Variants in LRRC4C observed in about 807,000 individuals in gnomAD.
The protein encoded by LRRC4C is leucine-rich repeat-containing protein 4C.
In LRRC4C, 5 loss-of-function variants were observed where a neutral mutation model predicts 33.6. The ratio of observed to expected loss-of-function variants is 0.15; its 90% confidence interval spans 0.08 to 0.31. LRRC4C has a LOEUF of 0.31. Among genes scored for constraint, LRRC4C ranks in the 10% least tolerant of loss-of-function variants. The pLI, the probability that LRRC4C is intolerant of heterozygous loss-of-function variation, is 1.00. For missense variants in LRRC4C, 560 were observed against 796.7 expected, an observed-to-expected ratio of 0.70 and a Z score of 3.58; for synonymous variants, 329 against 302.0, an observed-to-expected ratio of 1.09 and a Z score of -0.93.
At chr11:40,903,579 G>T (rs1461033750) in intron 2 of LRRC4C, among the ~76,000 whole-genome samples, 1 of 152,156 alleles carries the variant, frequency 6.6e-6, no homozygotes, top group Non-Finnish European at 1.5e-5. Flanking sequence ...CATTCTAGAT[G>T]CCATTGAGAA....
intron 1 of LRRC4C, among the ~76,000 whole-genome samples, chr11:41,276,462 C>A (rs1028621433): frequency 2.6e-5 from 4 of 152,292 alleles, no homozygotes; most frequent in African/African-American, 9.6e-5. Flanking sequence ...TTCACTTTAT[C>A]ACAAAAGCAT....
At chr11:40,973,643 T>C (rs1319872385) in intron 1 of LRRC4C, among the ~76,000 whole-genome samples, 1 of 152,170 alleles carries the variant, frequency 6.6e-6, no homozygotes, top group Admixed American at 6.6e-5. Flanking sequence ...TTTATTATTA[T>C]TTTAAAAAAT....
At chr11:40,548,462 C>A (rs894937877) in intron 3 of LRRC4C, among the ~76,000 whole-genome samples, 2 of 152,016 alleles carry the variant, frequency 1.3e-5, no homozygotes, top group African/African-American at 4.8e-5. Context: ...AGCAAATAAG[C>A]CTGGAAGAGA....
At chr11:40,435,006 T>G (rs1590725641) in intron 3 of LRRC4C, among the ~76,000 whole-genome samples, 1 of 152,158 alleles carries the variant, frequency 6.6e-6, no homozygotes, top group African/African-American at 2.4e-5. Flanking sequence ...CAACATACTT[T>G]TCCCCCAAAT....
At chr11:40,629,849 A>C (rs1422908518) in intron 3 of LRRC4C, among the ~76,000 whole-genome samples, 1 of 152,190 alleles carries the variant, frequency 6.6e-6, no homozygotes, top group Non-Finnish European at 1.5e-5. Flanking sequence ...ATAGACATAG[A>C]ATCTATATTT....
At position 40,891,536 on chromosome 11, in the gene LRRC4C, G is replaced by A. The variant is rs1047600689; in HGVS notation, c.-407+42099C>T. On this transcript the variant is annotated intron_variant, in intron 2 of 6. Coordinates refer to ENST00000528697, the MANE Select transcript of LRRC4C (RefSeq NM_001258419.2). Reference sequence around the variant, plus strand: ...GAGATTAATAACAAGAATCTATAATGAGCCCAAATAACTCTACAGGAAAAA... The same window carrying A: ...GAGATTAATAACAAGAATCTATAATAAGCCCAAATAACTCTACAGGAAAAA... Among the ~76,000 whole-genome samples, 5 of 151,952 alleles carry A rather than the reference G, an allele frequency of 3.3e-5. No homozygotes were observed. The East Asian group carries it at 9.7e-4, about 29-fold the overall frequency.
chr11:40,497,638 G>C (rs1200050894), intron 3 of LRRC4C, among the ~76,000 whole-genome samples: 1 of 152,142 alleles, frequency 6.6e-6, no homozygotes, highest in Non-Finnish European at 1.5e-5. Context: ...GGATTTTCTG[G>C]TTGGAAAGAA....
intron 1 of LRRC4C, among the ~76,000 whole-genome samples, chr11:41,155,225 C>A (rs1193330565): frequency 1.3e-5 from 2 of 152,030 alleles, no homozygotes; most frequent in Non-Finnish European, 2.9e-5. Context: ...TATGGGACAT[C>A]CTTTAATGTA....
chr11:41,011,857 TG>T (rs374313315), intron 1 of LRRC4C, among the ~76,000 whole-genome samples: 1 of 148,410 alleles, frequency 6.7e-6, no homozygotes, highest in Non-Finnish European at 1.5e-5. Flanking sequence ...TTATGTTACA[TG>T]TATTTTTGAG....
At chr11:40,624,336 C>G (rs1232978998) in intron 3 of LRRC4C, among the ~76,000 whole-genome samples, 1 of 152,086 alleles carries the variant, frequency 6.6e-6, no homozygotes, top group East Asian at 1.9e-4. Context: ...ATTTTGTCCC[C>G]CATTACTAAT....
chr11:41,092,335 A>G (rs529941146), intron 1 of LRRC4C, among the ~76,000 whole-genome samples: 2 of 152,330 alleles, frequency 1.3e-5, no homozygotes, highest in Admixed American at 1.3e-4. Flanking sequence ...AATTACTATT[A>G]CTTATTCTCT....
intron 2 of LRRC4C, among the ~76,000 whole-genome samples, chr11:40,861,999 A>T (rs1450416489): frequency 2.6e-5 from 4 of 152,164 alleles, no homozygotes; most frequent in African/African-American, 9.7e-5. Flanking sequence ...TCACATTTCA[A>T]TGTAAAATCT....
chr11:40,297,591 GCT>G, intron 4 of LRRC4C, among the ~76,000 whole-genome samples: 1 of 151,860 alleles, frequency 6.6e-6, no homozygotes, highest in African/African-American at 2.4e-5. Flanking sequence ...GCAAATTTCT[GCT>G]TTTTTTTCAA....
chr11:41,179,884 T>G (rs1590855203), intron 1 of LRRC4C, among the ~76,000 whole-genome samples: 1 of 20,868 alleles, frequency 4.8e-5, no homozygotes, highest in African/African-American at 6.8e-5. Context: ...CACAGGCAGG[T>G]TTTCTTCCAC....
intron 3 of LRRC4C, among the ~76,000 whole-genome samples, chr11:40,467,376 G>A (rs1952704332): frequency 6.6e-6 from 1 of 152,078 alleles, no homozygotes; most frequent in Non-Finnish European, 1.5e-5. Context: ...CAATTACTAA[G>A]GGTGTATTGA....
At chr11:40,232,636 C>T (rs936189362) in intron 5 of LRRC4C, among the ~76,000 whole-genome samples, 9 of 152,110 alleles carry the variant, frequency 5.9e-5, no homozygotes, top group African/African-American at 1.9e-4. Flanking sequence ...GTTGCTTATT[C>T]ATCAACTGCA....
intron 1 of LRRC4C, among the ~76,000 whole-genome samples, chr11:41,168,647 T>A (rs1464521066): frequency 6.6e-6 from 1 of 152,192 alleles, no homozygotes; most frequent in Non-Finnish European, 1.5e-5. Context: ...ATCAAGTGTT[T>A]GGGAGATAAA....
At chr11:41,163,593 T>C (rs561811261) in intron 1 of LRRC4C, among the ~76,000 whole-genome samples, 2 of 150,416 alleles carry the variant, frequency 1.3e-5, no homozygotes, top group Non-Finnish European at 3.0e-5. Context: ...AAGTTTACTG[T>C]AACATTTTTA....
At chr11:40,919,535 A>C (rs1188144919) in intron 2 of LRRC4C, among the ~76,000 whole-genome samples, 1 of 151,982 alleles carries the variant, frequency 6.6e-6, no homozygotes, top group East Asian at 1.9e-4. Context: ...CTAACCCATC[A>C]TTTGGCTTAT....
Sources: gnomAD v4.1 joint callset for allele counts (sites outside exome capture counted in the v4.1 genomes callset) on GRCh38, gnomAD v4.1.1 for gene constraint, MANE v1.5 for transcripts, NCBI Gene and HGNC (gene_info 2026-07-23, HGNC 2026-07-21) for gene names.